Variants in HMCES observed in about 807,000 individuals in gnomAD.
HMCES encodes the protein 5-hydroxymethylcytosine binding, ES cell specific.
Under a neutral mutation model 35.1 loss-of-function variants are expected in HMCES, and 27 were observed. The observed-to-expected ratio is 0.77, with a 90% CI of 0.57 to 1.06. The LOEUF is 1.06. HMCES is among the 50% of genes least tolerant of loss of function. The pLI, the probability that HMCES is intolerant of heterozygous loss-of-function variation, is 0.00. For synonymous variants in HMCES, 130 were observed against 154.7 expected (o/e 0.84, Z 1.18); for missense variants, 391 against 430.4 (o/e 0.91, Z 0.81).
At chr3:129,288,565 C>T (rs969275728) in intron 2 of HMCES, among the ~76,000 whole-genome samples, 7 of 147,924 alleles carry the variant, frequency 4.7e-5, no homozygotes, top group Admixed American at 4.7e-4. Flanking sequence ...TATGGGGGGG[C>T]GTGTGTCTAT....
chr3:129,290,014 C>T (rs190210682), intron 3 of HMCES, among the ~76,000 whole-genome samples: 1 of 151,422 alleles, frequency 6.6e-6, no homozygotes, highest in Admixed American at 6.6e-5. Flanking sequence ...GGTGAAACCC[C>T]GTCTCTACTA....
At chr3:129,287,101 T>G (rs1323318361) in intron 2 of HMCES, among the ~76,000 whole-genome samples, 1 of 152,230 alleles carries the variant, frequency 6.6e-6, no homozygotes, top group East Asian at 1.9e-4. Context: ...ATGCACAGGT[T>G]TCCTTATGTT....
intron 4 of HMCES, 129 bp from the exon 5 acceptor site, chr3:129,298,225 G>A: frequency 1.3e-6 from 1 of 768,982 alleles, no homozygotes; most frequent in South Asian, 1.8e-5. Flanking sequence ...GTGACAGAGG[G>A]GTTAATAAGA....
In HMCES at chr3:129,279,701, A is replaced by C; in HGVS notation, c.-23-9A>C. 6.2e-7 allele frequency: 1 copy of C among 1,610,116 alleles called. No individual in the cohort carries two copies. Among genetic ancestry groups the C allele is most frequent in the Non-Finnish European group, 8.5e-7 (1 of 1,178,486 alleles). ...CGTAAGCCTTTTCCTTACGTTTTGT[A>C]ATTTAAAGGTTGCGAGGGGCGGTGT... On this transcript the variant is annotated splice_polypyrimidine_tract_variant and intron_variant, in intron 1 of 6. Transcript: ENST00000383463. The surrounding 1 kb of genome is among the most constrained non-coding windows in gnomAD (Gnocchi z 4.2).
Position 129,305,164 on chromosome 3 carries a change from G to A in HMCES, c.*339G>A, listed in dbSNP as rs1056515409. On this transcript the variant is annotated 3_prime_UTR_variant, in exon 7 of 7. Transcript: ENST00000383463. ...CCTGATCTGGTACTCCTTGTAGTAA[G>A]CTGTTTTCTGCTCAGCCACTGGGCT... is the stretch of plus-strand genomic sequence containing the variant. The A allele has an allele frequency of 3.6e-5, 9 of 251,862 alleles. No individual in the cohort carries two copies. The highest frequency in any genetic ancestry group is 6.8e-5 in the Non-Finnish European group (9 of 132,472). The allele number at this position is 251,862 out of a possible 1,614,324, so 15.6% of individuals were successfully genotyped here.
intron 5 of HMCES, among the ~76,000 whole-genome samples, chr3:129,298,772 C>T (rs1474624569): frequency 6.6e-6 from 1 of 152,104 alleles, no homozygotes. Context: ...AAAATGTTGT[C>T]AGTGACACAT....
At chr3:129,287,508 G>T (rs1940670007) in intron 2 of HMCES, among the ~76,000 whole-genome samples, 1 of 151,974 alleles carries the variant, frequency 6.6e-6, no homozygotes, top group Non-Finnish European at 1.5e-5. Context: ...ATTGGAGGCT[G>T]ATCATGTAGG....
chr3:129,297,274 G>T (rs984327467), intron 4 of HMCES, among the ~76,000 whole-genome samples: 2 of 151,942 alleles, frequency 1.3e-5, no homozygotes, highest in East Asian at 1.9e-4. Flanking sequence ...GCAGTTCTCC[G>T]TTCAGTCTAT....
rs2071119412 is a variant in HMCES, at chr3:129,298,414, AG to A, written c.516del (p.Arg172SerfsTer3). On this transcript the variant is annotated frameshift_variant, in exon 5 of 7. Coordinates refer to ENST00000383463, the MANE Select transcript of HMCES (RefSeq NM_020187.3). LOFTEE classifies it high-confidence loss of function. Reference sequence around the variant, plus strand: ...CTGGGAGAAAGTCTGGGACAACTGGAGGCTGCTGACAATGGCCGGGATCTTT... The same window carrying A: ...CTGGGAGAAAGTCTGGGACAACTGGAGCTGCTGACAATGGCCGGGATCTTT... ...ENWEKVWDNW[R>X]LLTMAGIFDC... The A allele has an allele frequency of 1.2e-6, 2 of 1,614,056 alleles. No homozygotes were observed. The highest frequency in any genetic ancestry group is 2.7e-5 in the African/African-American group (2 of 74,918).
intron 4 of HMCES, among the ~76,000 whole-genome samples, chr3:129,295,177 A>AT (rs1260960334): frequency 6.0e-5 from 9 of 151,004 alleles, no homozygotes; most frequent in Non-Finnish European, 1.0e-4. Context: ...AAAAAAAAAA[A>AT]TTCATGCTTT....
intron 6 of HMCES, among the ~76,000 whole-genome samples, chr3:129,303,754 T>G (rs1376003969): frequency 6.6e-6 from 1 of 152,010 alleles, no homozygotes; most frequent in East Asian, 1.9e-4. Flanking sequence ...TTCCTTTTTC[T>G]TTTTTAGAGA....
At chr3:129,295,307 C>T (rs550577045) in intron 4 of HMCES, among the ~76,000 whole-genome samples, 3 of 151,540 alleles carry the variant, frequency 2.0e-5, no homozygotes, top group Non-Finnish European at 2.9e-5. Context: ...CATGGTGGCT[C>T]GTGCCTGTGG....
Position 129,295,986 on chromosome 3 carries a change from C to T in HMCES, c.454-2368C>T, listed in dbSNP as rs1317139763. Among the ~76,000 whole-genome samples the T allele has an allele frequency of 2.6e-5, 4 of 152,050 alleles. No individual in the cohort carries two copies. The East Asian group carries it at 7.7e-4, about 29-fold the overall frequency. On this transcript the variant is annotated intron_variant, in intron 4 of 6. Transcript: ENST00000383463. Reference sequence around the variant, plus strand: ...CATGTGTTAGATGATTTAATTGTACCATCGTTCTTGGATATTCTCTCCATT... The same window carrying T: ...CATGTGTTAGATGATTTAATTGTACTATCGTTCTTGGATATTCTCTCCATT...
chr3:129,299,741 TC>T (rs2071138804), intron 5 of HMCES, among the ~76,000 whole-genome samples: 1 of 144,430 alleles, frequency 6.9e-6, no homozygotes, highest in Admixed American at 7.3e-5. Flanking sequence ...AAGCTCTGCC[TC>T]CTGGGTTCAC....
chr3:129,288,432 C>T (rs900562848), intron 2 of HMCES, among the ~76,000 whole-genome samples: 1 of 152,180 alleles, frequency 6.6e-6, no homozygotes, highest in Non-Finnish European at 1.5e-5. Flanking sequence ...TGGTGGCTCA[C>T]ACCCACAATC....
At chr3:129,302,453 G>A (rs2071181380) in intron 6 of HMCES, among the ~76,000 whole-genome samples, 2 of 152,164 alleles carry the variant, frequency 1.3e-5, no homozygotes, top group South Asian at 4.1e-4. Flanking sequence ...AGTGGCTCAC[G>A]CCTGTAATCC....
intron 4 of HMCES, among the ~76,000 whole-genome samples, chr3:129,296,383 C>A (rs2071093137): frequency 6.6e-6 from 1 of 152,108 alleles, no homozygotes; most frequent in African/African-American, 2.4e-5. Flanking sequence ...TCTTTAAGTT[C>A]ACTGAGTCTT....
intron 6 of HMCES, among the ~76,000 whole-genome samples, chr3:129,303,369 A>G (rs1490621698): frequency 6.6e-6 from 1 of 152,188 alleles, no homozygotes; most frequent in Non-Finnish European, 1.5e-5. Flanking sequence ...AGTTTTTTCC[A>G]TACCCACAGT....
chr3:129,291,036 C>T (rs1453180756), intron 4 of HMCES, among the ~76,000 whole-genome samples: 1 of 152,104 alleles, frequency 6.6e-6, no homozygotes, highest in Non-Finnish European at 1.5e-5. Flanking sequence ...AACCCCGTCT[C>T]TACAAACAAT....
Sources: gnomAD v4.1 joint callset for allele counts (sites outside exome capture counted in the v4.1 genomes callset) on GRCh38, gnomAD v4.1.1 for gene constraint, Gnocchi (gnomAD v3.1) non-coding constraint, MANE v1.5 for transcripts, NCBI Gene and HGNC (gene_info 2026-07-23, HGNC 2026-07-21) for gene names.